PALM2AKAP2: variants seen among roughly 807,000 people sequenced by gnomAD.
PALM2AKAP2 encodes the protein PALM2-AKAP2 fusion protein.
Under a neutral mutation model 71.5 loss-of-function variants are expected in PALM2AKAP2, and 37 were observed. The observed-to-expected ratio is 0.52, with a 90% CI of 0.40 to 0.68. The LOEUF (loss-of-function observed/expected upper bound fraction) is 0.68, where lower values mean the gene tolerates loss of function less well. Ranked by LOEUF, PALM2AKAP2 falls within the 30% of genes least tolerant of loss-of-function variation. The pLI, the probability that PALM2AKAP2 is intolerant of heterozygous loss-of-function variation, is 0.00. For synonymous variants in PALM2AKAP2, 468 were observed against 478.8 expected (o/e 0.98, Z 0.29); for missense variants, 1,224 against 1,191.8 (o/e 1.03, Z -0.40).
At chr9:109,743,288 T>A (rs1828744778) in intron 1 of PALM2AKAP2, among the ~76,000 whole-genome samples, 1 of 152,182 alleles carries the variant, frequency 6.6e-6, no homozygotes. Context: ...GGCAGAAGTA[T>A]TCTACATGCT....
chr9:109,866,825 G>T (rs1192743968), intron 1 of PALM2AKAP2, among the ~76,000 whole-genome samples: 1 of 152,158 alleles, frequency 6.6e-6, no homozygotes, highest in Non-Finnish European at 1.5e-5. Flanking sequence ...GGTAGTGAGT[G>T]GTAGGGCTGG....
intron 5 of PALM2AKAP2, 111 bp downstream of exon 5, chr9:109,925,193 CAGA>C: frequency 6.5e-7 from 1 of 1,538,596 alleles, no homozygotes; most frequent in East Asian, 2.3e-5. Flanking sequence ...GTAAAGGCAT[CAGA>C]AGAAGTAGCA....
intron 1 of PALM2AKAP2, among the ~76,000 whole-genome samples, chr9:110,054,353 G>A (rs1038725307): frequency 1.3e-5 from 2 of 151,982 alleles, no homozygotes; most frequent in Admixed American, 1.3e-4. Context: ...GGGCCGACAT[G>A]GTGCCATTGC....
intron 3 of PALM2AKAP2, among the ~76,000 whole-genome samples, chr9:110,158,419 A>G (rs922264897): frequency 5.3e-5 from 8 of 152,230 alleles, no homozygotes; most frequent in African/African-American, 1.4e-4. Context: ...AACACACTCT[A>G]CTTGTCACTT....
At chr9:110,062,276 T>G (rs1033511936) in intron 1 of PALM2AKAP2, among the ~76,000 whole-genome samples, 9 of 152,140 alleles carry the variant, frequency 5.9e-5, no homozygotes, top group Admixed American at 2.6e-4. Context: ...CCAGTGTGTG[T>G]TGTTCCCTTC....
At chr9:110,096,954 TTATTTATTA>T (rs1452374323) in intron 1 of PALM2AKAP2, among the ~76,000 whole-genome samples, 113 of 147,282 alleles carry the variant, frequency 7.7e-4, no homozygotes, top group African/African-American at 2.8e-3. Flanking sequence ...ATTTATTTAT[TTATTTATTA>T]TTTTTTTTAT....
intron 1 of PALM2AKAP2, among the ~76,000 whole-genome samples, chr9:110,107,026 G>A (rs1835136854): frequency 6.6e-6 from 1 of 152,200 alleles, no homozygotes. Flanking sequence ...TTTCAGGGAA[G>A]GGATTATCAC....
intron 6 of PALM2AKAP2, among the ~76,000 whole-genome samples, chr9:109,966,648 A>G (rs187493597): frequency 6.6e-6 from 1 of 152,236 alleles, no homozygotes; most frequent in African/African-American, 2.4e-5. Context: ...TTAAATCTGG[A>G]TGGTTGGTAC....
intron 1 of PALM2AKAP2, chr9:109,765,449 T>C: frequency 6.6e-6 from 1 of 151,206 alleles, no homozygotes; most frequent in Admixed American, 6.7e-5. Context: ...ATCATCATGA[T>C]CACCATCATC....
intron 6 of PALM2AKAP2, among the ~76,000 whole-genome samples, chr9:109,998,781 A>T (rs1011191810): frequency 2.0e-5 from 3 of 148,338 alleles, no homozygotes; most frequent in Non-Finnish European, 4.5e-5. Flanking sequence ...AAAAAAAAAA[A>T]AGGGGGGATA....
chr9:109,652,790 G>A (rs183190362), intron 1 of PALM2AKAP2, among the ~76,000 whole-genome samples: 1 of 152,290 alleles, frequency 6.6e-6, no homozygotes, highest in African/African-American at 2.4e-5. Flanking sequence ...ACAATCTAAT[G>A]AGAAACATAG....
chr9:109,905,598 A>G (rs985660042), intron 3 of PALM2AKAP2, among the ~76,000 whole-genome samples: 2 of 152,234 alleles, frequency 1.3e-5, no homozygotes, highest in African/African-American at 4.8e-5. Flanking sequence ...TCAGCCATAC[A>G]GGAGAAAAGT....
chr9:109,721,220 C>G (rs1340325956), intron 1 of PALM2AKAP2, among the ~76,000 whole-genome samples: 1 of 152,194 alleles, frequency 6.6e-6, no homozygotes, highest in East Asian at 1.9e-4. Flanking sequence ...TGACGACTGT[C>G]TTCCATTCCT....
rs577357863 is a variant in PALM2AKAP2, at chr9:109,899,532, G to A, written c.257+18851G>A. On this transcript the variant is annotated intron_variant, in intron 3 of 9. Transcript: ENST00000302798. ...GTATCTTTCAAAGTTCATATTTGAT[G>A]ATGCTACTCTCCAGCTTCAAACCCT... 4.9e-4 allele frequency among the ~76,000 whole-genome samples: 75 copies of A among 152,150 alleles called. No homozygotes were observed. In the South Asian group the frequency reaches 0.01, roughly 21 times the overall value.
intron 1 of PALM2AKAP2, among the ~76,000 whole-genome samples, chr9:109,855,264 G>T (rs1474357110): frequency 6.6e-6 from 1 of 151,778 alleles, no homozygotes; most frequent in Non-Finnish European, 1.5e-5. Flanking sequence ...GTAGAGATGG[G>T]GTTTCACCAT....
At position 109,649,156 on chromosome 9, in the gene PALM2AKAP2, GT is replaced by G. The variant is rs199710095; in HGVS notation, c.5+8300del. The stretch of plus-strand genomic sequence containing the variant: ...TCTTACTGTAAGTCATTGTGTTGTT[GT>G]TTTTTTTTTCTGGAAAATGGTAGTT... On this transcript the variant is annotated intron_variant, in intron 1 of 6. Transcript: ENST00000374531. 2.7e-4 allele frequency among the ~76,000 whole-genome samples: 40 copies of G among 145,756 alleles called. No homozygotes were observed. The East Asian group carries it at 5.8e-3, about 21-fold the overall frequency.
chr9:109,692,731 T>G (rs1827916738), intron 1 of PALM2AKAP2, among the ~76,000 whole-genome samples: 1 of 152,058 alleles, frequency 6.6e-6, no homozygotes, highest in African/African-American at 2.4e-5. Context: ...TATGGTGAAT[T>G]ACATTAGTAA....
intron 5 of PALM2AKAP2, among the ~76,000 whole-genome samples, chr9:109,930,161 C>T (rs557818568): frequency 6.6e-6 from 1 of 152,154 alleles, no homozygotes; most frequent in Non-Finnish European, 1.5e-5. Flanking sequence ...CCTCACTCCA[C>T]CCTAAGTCCT....
chr9:109,884,810 C>T (rs902863893), intron 3 of PALM2AKAP2, among the ~76,000 whole-genome samples: 1 of 152,168 alleles, frequency 6.6e-6, no homozygotes, highest in Non-Finnish European at 1.5e-5. Context: ...AAGGTATTTT[C>T]GTCCTTGTTG....
Sources: allele counts gnomAD v4.1 joint callset (sites outside exome capture counted in the v4.1 genomes callset), GRCh38; gene constraint gnomAD v4.1.1; transcripts MANE v1.5; gene names NCBI Gene and HGNC (gene_info 2026-07-23, HGNC 2026-07-21).